The following SSBP2 variants were observed in gnomAD, a reference collection of about 807,000 sequenced individuals.
SSBP2 encodes the protein single-stranded DNA-binding protein 2.
In SSBP2, 17 loss-of-function variants were observed where a neutral mutation model predicts 61.8. The ratio of observed to expected loss-of-function variants is 0.28; its 90% confidence interval spans 0.19 to 0.41. The LOEUF (loss-of-function observed/expected upper bound fraction) is 0.41, where lower values mean the gene tolerates loss of function less well. Ranked by LOEUF, SSBP2 falls within the 10% of genes least tolerant of loss-of-function variation. SSBP2 has a pLI of 1.00. For synonymous variants in SSBP2, 139 were observed against 141.3 expected, an observed-to-expected ratio of 0.98 and a Z score of 0.12; for missense variants, 310 against 458.7, an observed-to-expected ratio of 0.68 and a Z score of 2.96.
intron 4 of SSBP2, among the ~76,000 whole-genome samples, chr5:81,514,351 AAT>A (rs1016874175): frequency 2.0e-5 from 3 of 152,126 alleles, no homozygotes; most frequent in Non-Finnish European, 4.4e-5. Flanking sequence ...TGAAAAAAAA[AAT>A]TGAAAAATTC....
At chr5:81,737,535 C>G (rs1756702878) in intron 1 of SSBP2, among the ~76,000 whole-genome samples, 1 of 152,052 alleles carries the variant, frequency 6.6e-6, no homozygotes, top group Non-Finnish European at 1.5e-5. Flanking sequence ...GTAATCCCAG[C>G]ACTTTGGGAG....
intron 1 of SSBP2, among the ~76,000 whole-genome samples, chr5:81,722,145 A>C (rs1336323353): frequency 6.6e-6 from 1 of 152,082 alleles, no homozygotes; most frequent in African/African-American, 2.4e-5. Flanking sequence ...ATGCTAACGA[A>C]AAATAAAAGG....
chr5:81,542,149 C>A (rs755695077), intron 4 of SSBP2, among the ~76,000 whole-genome samples: 1 of 152,100 alleles, frequency 6.6e-6, no homozygotes, highest in Admixed American at 6.5e-5. Context: ...AAGCGGCCAA[C>A]AAACACATGA....
chr5:81,532,851 A>C (rs989024599), intron 4 of SSBP2, among the ~76,000 whole-genome samples: 11 of 151,960 alleles, frequency 7.2e-5, no homozygotes, highest in Non-Finnish European at 2.9e-5. Context: ...AACAATATTA[A>C]ATGTTTTATA....
At chr5:81,708,314 A>G (rs1269894656) in intron 1 of SSBP2, among the ~76,000 whole-genome samples, 1 of 152,190 alleles carries the variant, frequency 6.6e-6, no homozygotes, top group Non-Finnish European at 1.5e-5. Flanking sequence ...TACAGCAGAT[A>G]CATATCTTTG....
chr5:81,488,223 T>C (rs1312904624), intron 6 of SSBP2, among the ~76,000 whole-genome samples: 1 of 151,358 alleles, frequency 6.6e-6, no homozygotes, highest in Non-Finnish European at 1.5e-5. Flanking sequence ...TTCATTTCCT[T>C]TGAATATATA....
chr5:81,645,779 C>T (rs369913350), intron 2 of SSBP2, among the ~76,000 whole-genome samples: 1 of 151,960 alleles, frequency 6.6e-6, no homozygotes, highest in African/African-American at 2.4e-5. Context: ...AATAATATTC[C>T]ATTTTTTCCC....
At chr5:81,587,556 C>G (rs188238249) in intron 4 of SSBP2, among the ~76,000 whole-genome samples, 1 of 152,178 alleles carries the variant, frequency 6.6e-6, no homozygotes, top group East Asian at 1.9e-4. Context: ...ATGGTGAAAC[C>G]TCAACTCTAC....
At chr5:81,625,843 A>G (rs1260100783) in intron 3 of SSBP2, among the ~76,000 whole-genome samples, 1 of 152,230 alleles carries the variant, frequency 6.6e-6, no homozygotes, top group Non-Finnish European at 1.5e-5. Flanking sequence ...TAACATAATT[A>G]TACAACTTAT....
intron 3 of SSBP2, among the ~76,000 whole-genome samples, chr5:81,633,926 G>C (rs1747965701): frequency 6.6e-6 from 1 of 152,112 alleles, no homozygotes; most frequent in African/African-American, 2.4e-5. Flanking sequence ...TCTATTTCTG[G>C]ACTTATTCGT....
Position 81,580,694 on chromosome 5 carries a change from G to A in SSBP2, c.282+34779C>T, listed in dbSNP as rs1166426236. Among the ~76,000 whole-genome samples the A allele has an allele frequency of 2.0e-5, 3 of 150,348 alleles. No individual in the cohort carries two copies. In the East Asian group the frequency reaches 5.8e-4, roughly 29 times the overall value. ...AAGTATATATCTGTTCAATGTCAAG[G>A]TACTTATAAGGGAAAACATTTTAAC... On this transcript the variant is annotated intron_variant, in intron 4 of 16. Transcript: ENST00000320672.
At chr5:81,655,450 T>C (rs975932254) in intron 1 of SSBP2, among the ~76,000 whole-genome samples, 2 of 152,024 alleles carry the variant, frequency 1.3e-5, no homozygotes, top group Non-Finnish European at 2.9e-5. Flanking sequence ...AAAAAGCCTA[T>C]CAATGATTAA....
At position 81,627,031 on chromosome 5, in the gene SSBP2, G is replaced by A. The variant is rs140090707; in HGVS notation, c.197+9526C>T. Reference sequence around the variant, plus strand: ...ATACAGAGACAAAGAGATGACATACGCAAAAGTAATTTTAAAAGAAGCTTA... The same window carrying A: ...ATACAGAGACAAAGAGATGACATACACAAAAGTAATTTTAAAAGAAGCTTA... On this transcript the variant is annotated intron_variant, in intron 3 of 16. Transcript: ENST00000320672. Among the ~76,000 whole-genome samples the A allele has an allele frequency of 5.0e-3, 762 of 152,152 alleles. 4 individuals carry two copies. Among genetic ancestry groups the A allele is most frequent in the African/African-American group, 0.015 (613 of 41,520 alleles).
chr5:81,597,244 A>C (rs1743855352), intron 4 of SSBP2, among the ~76,000 whole-genome samples: 2 of 152,216 alleles, frequency 1.3e-5, no homozygotes, highest in South Asian at 2.1e-4. Context: ...ATGCAGCCAA[A>C]ACACACATGA....
intron 4 of SSBP2, among the ~76,000 whole-genome samples, chr5:81,607,393 C>T (rs1744989463): frequency 6.6e-6 from 1 of 152,112 alleles, no homozygotes; most frequent in Admixed American, 6.5e-5. Context: ...TCCAGCCATT[C>T]TTTCATCAAA....
chr5:81,501,276 CACACACATGCACAT>C (rs1767736749), intron 5 of SSBP2, among the ~76,000 whole-genome samples: 1 of 116,770 alleles, frequency 8.6e-6, no homozygotes, highest in Non-Finnish European at 1.9e-5. Context: ...TATACACACA[CACACACATGCACAT>C]ACACCCACAC....
chr5:81,468,556 C>G (rs1765043253), intron 8 of SSBP2, among the ~76,000 whole-genome samples: 1 of 152,068 alleles, frequency 6.6e-6, no homozygotes, highest in African/African-American at 2.4e-5. Flanking sequence ...TAATTTTCAT[C>G]TTTATTCCCT....
At chr5:81,710,566 G>T in intron 1 of SSBP2, 1 of 380,118 alleles carries the variant, frequency 2.6e-6, no homozygotes, top group Non-Finnish European at 5.1e-6. Context: ...GGGGCTGATA[G>T]GTAGAAATAA....
intron 1 of SSBP2, among the ~76,000 whole-genome samples, chr5:81,651,237 C>T (rs191788132): frequency 7.2e-5 from 11 of 152,232 alleles, no homozygotes; most frequent in Admixed American, 4.6e-4. Flanking sequence ...ACCAGGTTTA[C>T]AGTAAACAAT....
Sources: allele counts gnomAD v4.1 joint callset (sites outside exome capture counted in the v4.1 genomes callset), GRCh38; gene constraint gnomAD v4.1.1; transcripts MANE v1.5; gene names NCBI Gene and HGNC (gene_info 2026-07-23, HGNC 2026-07-21).